The following VAT1L variants were observed in gnomAD, a reference collection of about 807,000 sequenced individuals.
The protein encoded by VAT1L is putative NADPH-dependent quinone oxidoreductase VAT1L.
VAT1L carries 34 observed loss-of-function variants against 44.1 expected under a neutral mutation model. The observed-to-expected ratio is 0.77, with a 90% CI of 0.59 to 1.03. The LOEUF is 1.03. VAT1L is among the 50% of genes least tolerant of loss of function. The probability of loss-of-function intolerance (pLI) is 0.00; values close to 1 mark genes in which losing one functional copy is unlikely to be tolerated. For synonymous variants in VAT1L, 253 were observed against 202.2 expected (o/e 1.25, Z -2.13); for missense variants, 615 against 538.8 (o/e 1.14, Z -1.40).
chr16:77,893,222 C>T (rs976330168), intron 7 of VAT1L, among the ~76,000 whole-genome samples: 2 of 152,150 alleles, frequency 1.3e-5, no homozygotes, highest in Non-Finnish European at 2.9e-5. Context: ...GGCTGGGAGG[C>T]TGTGGCAATT....
chr16:77,814,008 T>G (rs1350944728), intron 1 of VAT1L, among the ~76,000 whole-genome samples: 1 of 152,198 alleles, frequency 6.6e-6, no homozygotes, highest in African/African-American at 2.4e-5. Context: ...TTGCATGAAT[T>G]CAGATCCTGA....
intron 7 of VAT1L, among the ~76,000 whole-genome samples, chr16:77,893,074 C>T (rs1020708506): frequency 2.6e-5 from 4 of 152,124 alleles, no homozygotes; most frequent in Admixed American, 2.6e-4. Flanking sequence ...CCATGCCTGG[C>T]TGGATTGCAG....
chr16:77,801,948 C>T (rs993115306), intron 1 of VAT1L, among the ~76,000 whole-genome samples: 2 of 152,134 alleles, frequency 1.3e-5, no homozygotes, highest in Admixed American at 6.5e-5. Context: ...CAGCCGGAAT[C>T]GACGATGCAT....
chr16:77,847,378 G>T (rs2016768302), intron 3 of VAT1L, among the ~76,000 whole-genome samples: 2 of 152,306 alleles, frequency 1.3e-5, no homozygotes, highest in Admixed American at 1.3e-4. Flanking sequence ...GTCTTCCCGT[G>T]CTTCTGACGT....
intron 3 of VAT1L, among the ~76,000 whole-genome samples, chr16:77,849,872 C>T (rs1379787515): frequency 2.0e-5 from 3 of 152,176 alleles, no homozygotes; most frequent in African/African-American, 7.2e-5. Context: ...AGAAAGAGTC[C>T]CGATGTCTGA....
At chr16:77,899,644 C>G (rs1204834988) in intron 7 of VAT1L, among the ~76,000 whole-genome samples, 1 of 152,222 alleles carries the variant, frequency 6.6e-6, no homozygotes, top group Non-Finnish European at 1.5e-5. Flanking sequence ...CATGTGTTAT[C>G]ATTCAGTGAG....
intron 4 of VAT1L, among the ~76,000 whole-genome samples, chr16:77,871,175 A>T (rs1229826942): frequency 6.6e-6 from 1 of 152,102 alleles, no homozygotes; most frequent in East Asian, 1.9e-4. Context: ...AGGTGCTGAG[A>T]ATGATATCTG....
At chr16:77,906,149 G>T (rs1267678534) in intron 7 of VAT1L, among the ~76,000 whole-genome samples, 1 of 152,168 alleles carries the variant, frequency 6.6e-6, no homozygotes. Flanking sequence ...CAAAAAGTTT[G>T]TCACTTACTC....
rs2018371962 is a variant in VAT1L, at chr16:77,979,079, G to A, written c.*1384G>A. Reference sequence around the variant, plus strand: ...AGTTTCTCCACCAACAAGCCTTAGGGTGGACCCAACCCTTTCCGCAAGTGG... The same window carrying A: ...AGTTTCTCCACCAACAAGCCTTAGGATGGACCCAACCCTTTCCGCAAGTGG... On this transcript the variant is annotated 3_prime_UTR_variant, in exon 9 of 9. Transcript: ENST00000302536. 6.6e-6 allele frequency: 1 copy of A among 152,496 alleles called. No individual in the cohort carries two copies. Among genetic ancestry groups the A allele is most frequent in the Non-Finnish European group, 1.5e-5 (1 of 68,044 alleles). The allele number at this position is 152,496 out of a possible 1,614,324, so 9.4% of individuals were successfully genotyped here.
chr16:77,887,240 G>T (rs150513216), intron 7 of VAT1L, among the ~76,000 whole-genome samples: 3 of 152,204 alleles, frequency 2.0e-5, no homozygotes, highest in Admixed American at 2.0e-4. Flanking sequence ...TACAAGGAGA[G>T]TCTGAGTAGG....
chr16:77,849,003 A>C (rs4271603), intron 3 of VAT1L, among the ~76,000 whole-genome samples: 2,103 of 152,236 alleles, frequency 0.014, 37 homozygotes, highest in African/African-American at 0.035. Flanking sequence ...GAACACATGG[A>C]TATAGGGAGG....
chr16:77,928,276 G>A (rs2017691623), intron 7 of VAT1L, among the ~76,000 whole-genome samples: 1 of 152,160 alleles, frequency 6.6e-6, no homozygotes, highest in African/African-American at 2.4e-5. Flanking sequence ...GCAAATGTGT[G>A]TGTGGAGAAT....
intron 8 of VAT1L, among the ~76,000 whole-genome samples, chr16:77,977,152 G>T (rs1597130938): frequency 6.6e-6 from 1 of 152,116 alleles, no homozygotes; most frequent in Non-Finnish European, 1.5e-5. Context: ...TGCGTGGGGT[G>T]CAGGGAGATA....
chr16:77,806,241 GCT>G (rs2016156638), intron 1 of VAT1L, among the ~76,000 whole-genome samples: 1 of 151,540 alleles, frequency 6.6e-6, no homozygotes, highest in African/African-American at 2.4e-5. Flanking sequence ...ATGGACTCTC[GCT>G]CTGTCACCCA....
At chr16:77,812,548 CTG>C (rs1373576204) in intron 1 of VAT1L, among the ~76,000 whole-genome samples, 1 of 152,154 alleles carries the variant, frequency 6.6e-6, no homozygotes, top group East Asian at 1.9e-4. Context: ...GTTTTCTTAT[CTG>C]AGGCTCAATG....
Position 77,978,743 on chromosome 16 carries a change from C to T in VAT1L, c.*1048C>T, listed in dbSNP as rs925659149. ...GTCAGATGTACAGTTCCTCCCCTCC[C>T]ATATATAAACCCCGGTGTAGAATCT... On this transcript the variant is annotated 3_prime_UTR_variant, in exon 9 of 9. Coordinates refer to ENST00000302536, the MANE Select transcript of VAT1L (RefSeq NM_020927.3). 2.0e-5 allele frequency: 3 copies of T among 152,152 alleles called. No individual in the cohort carries two copies. Among genetic ancestry groups the T allele is most frequent in the Non-Finnish European group, 4.4e-5 (3 of 68,034 alleles). The allele number at this position is 152,152 out of a possible 1,614,324, so 9.4% of individuals were successfully genotyped here.
chr16:77,872,814 T>G (rs2142450598), intron 4 of VAT1L, among the ~76,000 whole-genome samples: 1 of 152,358 alleles, frequency 6.6e-6, no homozygotes, highest in East Asian at 1.9e-4. Context: ...GAGGGCAAAC[T>G]TCTGCCTTCT....
intron 7 of VAT1L, among the ~76,000 whole-genome samples, chr16:77,941,702 C>T (rs1296308222): frequency 6.6e-6 from 1 of 152,136 alleles, no homozygotes; most frequent in Non-Finnish European, 1.5e-5. Context: ...TGTCCTGCCT[C>T]AGCCTCATGA....
At chr16:77,898,839 C>G (rs1050151500) in intron 7 of VAT1L, among the ~76,000 whole-genome samples, 2 of 152,196 alleles carry the variant, frequency 1.3e-5, no homozygotes, top group East Asian at 3.9e-4. Context: ...CTTTATGGAA[C>G]AGAAGCTCTG....
Sources: gnomAD v4.1 joint callset for allele counts (sites outside exome capture counted in the v4.1 genomes callset) on GRCh38, gnomAD v4.1.1 for gene constraint, MANE v1.5 for transcripts, NCBI Gene and HGNC (gene_info 2026-07-23, HGNC 2026-07-21) for gene names.